Variants in FRMD6 observed in about 807,000 individuals in gnomAD.
FRMD6 encodes the protein FERM domain-containing protein 6.
FRMD6 carries 37 observed loss-of-function variants against 73.2 expected under a neutral mutation model. The ratio of observed to expected loss-of-function variants is 0.51; its 90% CI spans 0.39 to 0.66. FRMD6 has a LOEUF of 0.66. FRMD6 is among the 30% of genes least tolerant of loss of function. FRMD6 has a pLI of 0.00. For synonymous variants in FRMD6, 273 were observed against 282.2 expected (o/e 0.97, Z 0.33); for missense variants, 714 against 780.5 (o/e 0.91, Z 1.02).
intron 2 of FRMD6, among the ~76,000 whole-genome samples, chr14:51,696,147 T>C (rs2140409515): frequency 6.6e-6 from 1 of 151,466 alleles, no homozygotes; most frequent in Admixed American, 6.6e-5. Flanking sequence ...ATAATTAAGG[T>C]ATTTTAATAC....
At chr14:51,687,442 T>A (rs1245341373) in intron 1 of FRMD6, among the ~76,000 whole-genome samples, 1 of 152,172 alleles carries the variant, frequency 6.6e-6, no homozygotes, top group Admixed American at 6.6e-5. Context: ...TATCAATATA[T>A]AGGGGAAAAT....
intron 3 of FRMD6, among the ~76,000 whole-genome samples, chr14:51,698,877 A>G (rs1157712749): frequency 1.3e-5 from 2 of 152,206 alleles, no homozygotes; most frequent in Admixed American, 6.6e-5. Context: ...GCCATTTATT[A>G]TAAGCTTTCT....
intron 9 of FRMD6, chr14:51,713,805 T>G (rs1897092530): frequency 6.6e-6 from 1 of 152,258 alleles, no homozygotes; most frequent in Non-Finnish European, 1.5e-5. Context: ...TGTTTCAAGC[T>G]ATTTGTGAAA....
the FRMD6 span, among the ~76,000 whole-genome samples, chr14:51,460,858 AT>A: frequency 6.6e-6 from 1 of 152,230 alleles, no homozygotes. Context: ...AAGTGATTTT[AT>A]GTTAAAAAAT....
intron 2 of FRMD6, among the ~76,000 whole-genome samples, chr14:51,636,233 A>C (rs1251029252): frequency 6.6e-6 from 1 of 152,226 alleles, no homozygotes; most frequent in Non-Finnish European, 1.5e-5. Context: ...AGGACAATTG[A>C]GGTTTGATAA....
intron 10 of FRMD6, 57 bp downstream of exon 10, chr14:51,715,556 T>TA (rs760409565): frequency 2.0e-4 from 278 of 1,412,184 alleles, no homozygotes; most frequent in Non-Finnish European, 2.5e-4. Context: ...TGTGGCCTCT[T>TA]ACTCTGAATG....
chr14:51,721,736 G>A (rs878923512), intron 11 of FRMD6, among the ~76,000 whole-genome samples: 1,168 of 53,664 alleles, frequency 0.022, 27 homozygotes, highest in African/African-American at 0.093. Context: ...GGAAGGGAGG[G>A]AGGAAGGAAG....
At chr14:51,565,919 C>A (rs949773290) in intron 1 of FRMD6, among the ~76,000 whole-genome samples, 3 of 152,170 alleles carry the variant, frequency 2.0e-5, no homozygotes, top group Non-Finnish European at 4.4e-5. Flanking sequence ...AATCCCAGCA[C>A]TTTGGGAGGC....
upstream of FRMD6, chr14:51,651,742 CTCA>C (rs1892402083): frequency 6.9e-6 from 1 of 145,750 alleles, no homozygotes; most frequent in African/African-American, 2.5e-5. Flanking sequence ...CTGCCGCGAG[CTCA>C]GCGCGCAGCT....
At chr14:51,421,459 T>C in the FRMD6 span, among the ~76,000 whole-genome samples, 3 of 151,226 alleles carry the variant, frequency 2.0e-5, no homozygotes, top group African/African-American at 4.9e-5. Context: ...AAAAAAAGAG[T>C]GGAAAAGAGT....
chr14:51,423,869 A>G, the FRMD6 span, among the ~76,000 whole-genome samples: 1 of 152,206 alleles, frequency 6.6e-6, no homozygotes, highest in Admixed American at 6.5e-5. Context: ...GTAAGTGGCT[A>G]TGTATCTAGC....
the FRMD6 span, among the ~76,000 whole-genome samples, chr14:51,422,806 C>T: frequency 6.6e-6 from 1 of 152,068 alleles, no homozygotes; most frequent in Non-Finnish European, 1.5e-5. Flanking sequence ...GAGGTTGTGC[C>T]CTGGGATAGG....
At chr14:51,610,343 A>T (rs1890442957) in intron 2 of FRMD6, among the ~76,000 whole-genome samples, 1 of 151,938 alleles carries the variant, frequency 6.6e-6, no homozygotes, top group East Asian at 1.9e-4. Flanking sequence ...TTTTTTAAAA[A>T]AAAAAAAAGC....
the FRMD6 span, among the ~76,000 whole-genome samples, chr14:51,451,219 A>T: frequency 6.6e-6 from 1 of 152,138 alleles, no homozygotes. Flanking sequence ...TGGACCATTG[A>T]TATAGTTTGA....
the FRMD6 span, among the ~76,000 whole-genome samples, chr14:51,398,307 G>C: frequency 1.3e-5 from 2 of 151,882 alleles, no homozygotes; most frequent in Admixed American, 1.3e-4. Context: ...ATCCCCTCCC[G>C]TGAACACATA....
At chr14:51,441,791 A>T in the FRMD6 span, among the ~76,000 whole-genome samples, 2 of 152,232 alleles carry the variant, frequency 1.3e-5, no homozygotes, top group Non-Finnish European at 2.9e-5. Context: ...TCAGAAAAAC[A>T]TTTAAAAAAT....
chr14:51,721,753 A>AGGAGGGAAGGAGGGAAGGAG (rs1555340789), intron 11 of FRMD6, among the ~76,000 whole-genome samples, 196 bp from the exon 12 acceptor site: 8 of 108,762 alleles, frequency 7.4e-5, no homozygotes, highest in African/African-American at 1.7e-4. Flanking sequence ...GAAGGGAGGA[A>AGGAGGGAAGGAGGGAAGGAG]GGAAGGAGGG....
intron 10 of FRMD6, among the ~76,000 whole-genome samples, chr14:51,715,946 A>G (rs1239022185): frequency 6.6e-6 from 1 of 152,204 alleles, no homozygotes; most frequent in Non-Finnish European, 1.5e-5. Context: ...GAGTGACAAT[A>G]AAGGTAGGTC....
At chr14:51,613,281 T>G (rs1258106700) in intron 2 of FRMD6, among the ~76,000 whole-genome samples, 1 of 152,160 alleles carries the variant, frequency 6.6e-6, no homozygotes, top group African/African-American at 2.4e-5. Flanking sequence ...AACAGGTGTA[T>G]TCAAGAGACT....
Sources: allele counts gnomAD v4.1 joint callset (sites outside exome capture counted in the v4.1 genomes callset), GRCh38; gene constraint gnomAD v4.1.1; transcripts MANE v1.5; gene names NCBI Gene and HGNC (gene_info 2026-07-23, HGNC 2026-07-21).